Variants in TOM1L1 observed in about 807,000 individuals in gnomAD.
TOM1L1 encodes target of myb1 like 1 membrane trafficking protein.
TOM1L1 carries 64 observed loss-of-function variants against 63.4 expected under a neutral mutation model. The observed-to-expected ratio is 1.01, with a 90% CI of 0.83 to 1.24. The LOEUF (loss-of-function observed/expected upper bound fraction) is 1.24, where lower values mean the gene tolerates loss of function less well. Ranked by LOEUF, TOM1L1 falls within the 50% of genes most tolerant of loss-of-function variation. TOM1L1 has a pLI of 0.00. For synonymous variants in TOM1L1, 166 were observed against 194.4 expected (o/e 0.85, Z 1.22); for missense variants, 536 against 567.0 (o/e 0.95, Z 0.55).
chr17:54,950,042 A>G lies in TOM1L1; in HGVS notation c.1289-3A>G, dbSNP rs1317073461. 3 of 1,611,758 alleles carry G rather than the reference A, an allele frequency of 1.9e-6. No homozygotes were observed. The highest frequency in any genetic ancestry group is 1.7e-6 in the Non-Finnish European group (2 of 1,179,226). On this transcript the variant is annotated splice_polypyrimidine_tract_variant and splice_region_variant and intron_variant, in intron 13 of 15. Coordinates refer to ENST00000575882, the MANE Select transcript of TOM1L1 (RefSeq NM_005486.3). Reference sequence around the variant, plus strand: ...GTTTACTGGTCTCTTTTTTTGCCCAAAGCGATGACAAAAAGTGATCTCCAG... The same window carrying G: ...GTTTACTGGTCTCTTTTTTTGCCCAGAGCGATGACAAAAAGTGATCTCCAG...
chr17:54,919,807 T>A (rs948745912), intron 7 of TOM1L1, among the ~76,000 whole-genome samples: 28 of 152,000 alleles, frequency 1.8e-4, no homozygotes, highest in Admixed American at 3.9e-4. Flanking sequence ...AAATAATTTT[T>A]TTTTTACATC....
chr17:54,958,819 G>A (rs1276901897), intron 14 of TOM1L1, among the ~76,000 whole-genome samples: 1 of 151,408 alleles, frequency 6.6e-6, no homozygotes, highest in Admixed American at 6.6e-5. Context: ...GCTGTACTTT[G>A]TATAAAATGG....
At chr17:54,937,902 G>C (rs536799365) in intron 10 of TOM1L1, 2 of 151,654 alleles carry the variant, frequency 1.3e-5, no homozygotes, top group Admixed American at 1.3e-4. Context: ...CTTATTCCCA[G>C]CAAGGGTTTG....
intron 12 of TOM1L1, among the ~76,000 whole-genome samples, chr17:54,949,203 A>ATTTTTTTTTTTTTTT (rs58407367): frequency 4.1e-5 from 5 of 122,296 alleles, no homozygotes; most frequent in African/African-American, 9.5e-5. Context: ...ATGCCCAGCT[A>ATTTTTTTTTTTTTTT]TTTTTTTTTT....
chr17:54,958,242 A>T (rs1429048830), intron 14 of TOM1L1: 4 of 152,238 alleles, frequency 2.6e-5, no homozygotes, highest in Admixed American at 2.0e-4. Flanking sequence ...GAACAGTGCC[A>T]GGGGCAGACA....
intron 3 of TOM1L1, among the ~76,000 whole-genome samples, chr17:54,908,477 C>T (rs531039543): frequency 6.6e-6 from 1 of 152,240 alleles, no homozygotes; most frequent in East Asian, 1.9e-4. Context: ...ATAAGTTTAC[C>T]AGTAAACTCT....
intron 14 of TOM1L1, 129 bp downstream of exon 14, chr17:54,950,255 G>A (rs1361071021): frequency 3.1e-6 from 2 of 643,684 alleles, no homozygotes. Context: ...TATTAAAAAT[G>A]CCTTATGAGG....
At chr17:54,905,636 G>A in intron 3 of TOM1L1, 69 bp downstream of exon 3, 1 of 1,034,156 alleles carries the variant, frequency 9.7e-7, no homozygotes, top group Non-Finnish European at 1.4e-6. Context: ...TTAATCCTGG[G>A]TAAAAAATAA....
At chr17:54,903,879 T>C (rs1487643077) in intron 2 of TOM1L1, 87 bp downstream of exon 2, 1 of 1,267,550 alleles carries the variant, frequency 7.9e-7, no homozygotes, top group African/African-American at 1.5e-5. Context: ...ATTTCGGTTT[T>C]GTTGTTGAAA....
chr17:54,931,378 A>G (rs1319023927), intron 8 of TOM1L1, among the ~76,000 whole-genome samples: 1 of 152,222 alleles, frequency 6.6e-6, no homozygotes, highest in South Asian at 2.1e-4. Flanking sequence ...GTGCTAGCAC[A>G]TTGACATCCA....
intron 11 of TOM1L1, 116 bp from the exon 12 acceptor site, chr17:54,947,143 CTT>C: frequency 1.1e-6 from 1 of 909,498 alleles, no homozygotes; most frequent in Non-Finnish European, 1.8e-6. Context: ...CAAAATGACA[CTT>C]TATGCAGTCT....
At chr17:54,907,484 A>T (rs1312678694) in intron 3 of TOM1L1, among the ~76,000 whole-genome samples, 1 of 152,236 alleles carries the variant, frequency 6.6e-6, no homozygotes, top group Non-Finnish European at 1.5e-5. Flanking sequence ...TCTAAGAACG[A>T]ATCAAGCCTC....
Position 54,916,903 on chromosome 17 carries a change from G to C in TOM1L1, c.720+1041G>C, listed in dbSNP as rs2048599557. The C allele has an allele frequency of 2.0e-5, 3 of 152,144 alleles. No individual in the cohort carries two copies. The South Asian group carries it at 6.2e-4, about 31-fold the overall frequency. 9.4% of individuals were successfully genotyped at this position (152,144 alleles called of 1,614,324 possible). ...TGATTGTCATGTTAAATGCAGGTTA[G>C]TTTAGCTAGATATAAAATTCTAGGC... On this transcript the variant is annotated intron_variant, in intron 7 of 15. Coordinates refer to ENST00000575882, the MANE Select transcript of TOM1L1 (RefSeq NM_005486.3).
intron 12 of TOM1L1, among the ~76,000 whole-genome samples, chr17:54,948,722 A>G (rs2049160785): frequency 6.6e-6 from 1 of 152,232 alleles, no homozygotes. Context: ...TGCTTTATTA[A>G]TAGTGCCTGG....
chr17:54,944,789 T>C (rs977055500), intron 11 of TOM1L1, among the ~76,000 whole-genome samples: 1 of 152,248 alleles, frequency 6.6e-6, no homozygotes, highest in Non-Finnish European at 1.5e-5. Context: ...AGTTCTTCTA[T>C]AGATAATGTA....
chr17:54,910,627 G>A (rs1043930196), intron 3 of TOM1L1, among the ~76,000 whole-genome samples: 4 of 152,138 alleles, frequency 2.6e-5, no homozygotes, highest in African/African-American at 9.7e-5. Flanking sequence ...GATTTCGCCC[G>A]TTAAAAATTC....
chr17:54,940,704 T>C (rs1425109192), intron 11 of TOM1L1, among the ~76,000 whole-genome samples: 5 of 152,204 alleles, frequency 3.3e-5, no homozygotes, highest in Non-Finnish European at 7.3e-5. Context: ...AGTGTGTGTG[T>C]AATATATTGC....
Position 54,949,678 on chromosome 17 carries a change from G to A in TOM1L1, c.1288+55G>A, listed in dbSNP as rs1200113601. The stretch of plus-strand genomic sequence containing the variant: ...TAAGGAAACTTATGAGAATATATGA[G>A]TCTGCCAGAGATTCATTGGTAACTG... On this transcript the variant is annotated intron_variant, in intron 13 of 15. Transcript: ENST00000575882. 8.1e-6 allele frequency: 11 copies of A among 1,354,486 alleles called. No homozygotes were observed. In the African/African-American group the frequency reaches 1.6e-4, roughly 19 times the overall value. 83.9% of individuals were successfully genotyped at this position (1,354,486 alleles called of 1,614,324 possible).
In TOM1L1 at chr17:54,912,735, A is replaced by G. The variant is rs778082988; in HGVS notation, c.292A>G (p.Lys98Glu). Residue 98 changes from lysine to glutamate, a missense_variant, in exon 4 of 16, where the codon AAA (lysine) becomes GAA (glutamate). Lys to Glu is a moderately conservative substitution (Grantham distance 56, BLOSUM62 1). Coordinates refer to ENST00000575882, the MANE Select transcript of TOM1L1 (RefSeq NM_005486.3). ...TCTGATTGTGAAGAAGGAATTTGTT[A>G]AAGAGAATTTAGTTAAGCTACTGAA... is the stretch of plus-strand genomic sequence containing the variant. ...QSLIVKKEFVKENLVKLLNPR... is the reference protein window; with the variant it reads ...QSLIVKKEFVEENLVKLLNPR... The G allele has an allele frequency of 1.8e-5, 29 of 1,612,058 alleles. No homozygotes were observed. The highest frequency in any genetic ancestry group is 2.5e-5 in the Non-Finnish European group (29 of 1,179,350).
Sources: allele counts gnomAD v4.1 joint callset (sites outside exome capture counted in the v4.1 genomes callset), GRCh38; gene constraint gnomAD v4.1.1; transcripts MANE v1.5; gene names NCBI Gene and HGNC (gene_info 2026-07-23, HGNC 2026-07-21).